PARP4: variants seen among roughly 807,000 people sequenced by gnomAD.
PARP4 encodes poly(ADP-ribose) polymerase family member 4, also known as protein mono-ADP-ribosyltransferase PARP4.
Under a neutral mutation model 187.7 loss-of-function variants are expected in PARP4, and 120 were observed. The observed-to-expected ratio is 0.64, with a 90% CI of 0.55 to 0.74. PARP4 has a LOEUF of 0.74. Ranked by LOEUF, PARP4 falls within the 30% of genes least tolerant of loss-of-function variation. The pLI is 0.00. For missense variants in PARP4, 1,836 were observed against 2,070.5 expected (o/e 0.89, Z 2.20); for synonymous variants, 654 against 740.9 (o/e 0.88, Z 1.90).
chr13:24,433,741 C>CT, intron 31 of PARP4, among the ~76,000 whole-genome samples: 1 of 102,058 alleles, frequency 9.8e-6, no homozygotes, highest in South Asian at 4.3e-4. Context: ...AGACAGGTTA[C>CT]CTGACTTGCC....
At position 24,494,728 on chromosome 13, in the gene PARP4, A is replaced by G; in HGVS notation, c.592-6T>C. On this transcript the variant is annotated splice_polypyrimidine_tract_variant and splice_region_variant and intron_variant, in intron 6 of 33. Transcript: ENST00000381989. ...ATAGCAAACTGTCTTCTAGTCTGTGAATTATGGTGTATAGCAAAAGTACAG... is the reference window on the plus strand; with the variant it reads ...ATAGCAAACTGTCTTCTAGTCTGTGGATTATGGTGTATAGCAAAAGTACAG... 6.3e-7 allele frequency: 1 copy of G among 1,591,280 alleles called. No homozygotes were observed. Among genetic ancestry groups the G allele is most frequent in the East Asian group, 2.2e-5 (1 of 44,614 alleles).
chr13:24,454,453 G>A (rs1871712736), intron 22 of PARP4, among the ~76,000 whole-genome samples: 1 of 152,208 alleles, frequency 6.6e-6, no homozygotes, highest in Non-Finnish European at 1.5e-5. Context: ...CTGAGGTGCT[G>A]CCTTCTGGTG....
In PARP4 at chr13:24,486,167, C is replaced by T; in HGVS notation, c.1352+1G>A. 6.2e-7 allele frequency: 1 copy of T among 1,607,934 alleles called. No individual in the cohort carries two copies. The highest frequency in any genetic ancestry group is 8.5e-7 in the Non-Finnish European group (1 of 1,177,888). The stretch of plus-strand genomic sequence containing the variant: ...TGAAAAATAAAGATGGCTACTCTTA[C>T]CGACACAAGATTCCCACGATGTTTT... On this transcript the variant is annotated splice_donor_variant, in intron 11 of 33. Coordinates refer to ENST00000381989, the MANE Select transcript of PARP4 (RefSeq NM_006437.4). LOFTEE classifies it high-confidence loss of function.
intron 24 of PARP4, chr13:24,452,189 G>A (rs1410161086): frequency 4.2e-6 from 2 of 481,072 alleles, no homozygotes; most frequent in East Asian, 3.3e-5. Context: ...CAGATGAGAG[G>A]TTAAGGAACT....
At chr13:24,421,703 TC>T (rs1869755362) in intron 33 of PARP4, among the ~76,000 whole-genome samples, 1 of 152,286 alleles carries the variant, frequency 6.6e-6, no homozygotes. Flanking sequence ...TCTCTCTCCT[TC>T]CCACTGTACT....
chr13:24,508,255 C>A (rs1869817309), intron 1 of PARP4, among the ~76,000 whole-genome samples: 1 of 152,128 alleles, frequency 6.6e-6, no homozygotes, highest in Non-Finnish European at 1.5e-5. Context: ...GATAATTGCA[C>A]CCCCACTTAT....
At chr13:24,491,030 C>T (rs1336084890) in intron 9 of PARP4, among the ~76,000 whole-genome samples, 2 of 152,144 alleles carry the variant, frequency 1.3e-5, no homozygotes, top group Non-Finnish European at 2.9e-5. Context: ...CAGCCTCAAC[C>T]TCCTGAGTTC....
At chr13:24,492,799 T>C (rs1868732540) in intron 8 of PARP4, among the ~76,000 whole-genome samples, 1 of 152,188 alleles carries the variant, frequency 6.6e-6, no homozygotes, top group Non-Finnish European at 1.5e-5. Flanking sequence ...AAAACTAGGC[T>C]CAGTTTTACT....
At position 24,450,070 on chromosome 13, in the gene PARP4, T is replaced by G. The variant is rs193043988; in HGVS notation, c.3015-253A>C. 2.5e-4 allele frequency among the ~76,000 whole-genome samples: 37 copies of G among 146,390 alleles called. 1 individual carries two copies. Among genetic ancestry groups the G allele is most frequent in the African/African-American group, 9.6e-4 (36 of 37,534 alleles). On this transcript the variant is annotated intron_variant, in intron 24 of 33. Coordinates refer to ENST00000381989, the MANE Select transcript of PARP4 (RefSeq NM_006437.4). ...AGAAAAAAGTTGAAATTCTTGACTT[T>G]CAGTTCCTGAGGGAGGGAGTAGATG... is the stretch of plus-strand genomic sequence containing the variant.
rs769290091 is a variant in PARP4, at chr13:24,456,449, G to T, written c.2454C>A (p.Thr818=). ...TGCTGTCTAAGGAGCTGCCTTCCAT[G>T]GTGCTAATGACAGCTTTGCAGTCTG... ...KRTDCKAVIS[T]MEGSSLDSSG... is the part of the protein sequence containing the mutation. Residue 818 remains threonine (T), a synonymous_variant, in exon 21 of 34, where the codon ACC becomes ACA. Transcript: ENST00000381989. 1.9e-6 allele frequency: 3 copies of T among 1,606,958 alleles called. No individual in the cohort carries two copies. Among genetic ancestry groups the T allele is most frequent in the Non-Finnish European group, 2.6e-6 (3 of 1,174,368 alleles).
At chr13:24,478,034 C>CT in intron 13 of PARP4, 59 bp downstream of exon 13, 1 of 1,345,980 alleles carries the variant, frequency 7.4e-7, no homozygotes, top group Admixed American at 2.5e-5. Context: ...GAGCAAAAAA[C>CT]TAAGGCCTTT....
rs781394181 is a variant in PARP4 at position 24,486,303 on chromosome 13, T to C, written c.1217A>G (p.Lys406Arg). ...RKEVLQNHHS[K>R]SPVDVLQIFR... ...TATCTGCAAGACATCCACTGGGCTCTTACTGTAAGAATTAGAAGAAAAGCC... is the reference window on the plus strand; with the variant it reads ...TATCTGCAAGACATCCACTGGGCTCCTACTGTAAGAATTAGAAGAAAAGCC... The change falls in exon 11 of 34, where the codon AAG (lysine) becomes AGG (arginine). Residue 406 changes from lysine (K) to arginine (R), a missense_variant and splice_region_variant. Coordinates refer to ENST00000381989, the MANE Select transcript of PARP4 (RefSeq NM_006437.4). The C allele has an allele frequency of 5.7e-6, 9 of 1,575,316 alleles. No homozygotes were observed. The highest frequency in any genetic ancestry group is 7.8e-6 in the Non-Finnish European group (9 of 1,148,140).
intron 30 of PARP4, among the ~76,000 whole-genome samples, chr13:24,439,173 A>G (rs1176178410): frequency 2.0e-5 from 3 of 152,070 alleles, no homozygotes; most frequent in Admixed American, 2.0e-4. Context: ...AAAAATTTCT[A>G]TAAACAGGCC....
chr13:24,479,000 G>C (rs1873126231), intron 12 of PARP4, among the ~76,000 whole-genome samples: 1 of 152,190 alleles, frequency 6.6e-6, no homozygotes, highest in Non-Finnish European at 1.5e-5. Context: ...AAGTGAGTAA[G>C]AACTGGTCAA....
Position 24,435,027 on chromosome 13 carries a change from T to G in PARP4, c.4114A>C (p.Thr1372Pro). 2 of 1,613,954 alleles carry G rather than the reference T, an allele frequency of 1.2e-6. No individual in the cohort carries two copies. Among genetic ancestry groups the G allele is most frequent in the Non-Finnish European group, 1.7e-6 (2 of 1,180,026 alleles). The part of the protein sequence containing the change: ...SQFSQGPVPG[T>P]CADWIPQSAS... ...GACTGTGGGATCCAGTCAGCACAAG[T>G]GCCAGGCACAGGGCCTTGGCTGAAT... Residue 1372 changes from threonine to proline, a missense_variant, in exon 31 of 34, where the codon ACT (threonine) becomes CCT (proline). By Grantham distance (38) the Thr-to-Pro change is conservative (BLOSUM62 -1). Transcript: ENST00000381989.
intron 31 of PARP4, among the ~76,000 whole-genome samples, chr13:24,432,397 A>G (rs1205215877): frequency 6.6e-6 from 1 of 152,216 alleles, no homozygotes; most frequent in African/African-American, 2.4e-5. Context: ...ATTGACATAC[A>G]AAAAGTCACC....
At chr13:24,504,165 A>G (rs993530322) in intron 1 of PARP4, among the ~76,000 whole-genome samples, 9 of 152,188 alleles carry the variant, frequency 5.9e-5, no homozygotes, top group Non-Finnish European at 1.3e-4. Context: ...ATATAATTCT[A>G]TGCATTCAAA....
chr13:24,482,802 T>C (rs1418470523), intron 12 of PARP4, among the ~76,000 whole-genome samples: 1 of 152,108 alleles, frequency 6.6e-6, no homozygotes, highest in African/African-American at 2.4e-5. Flanking sequence ...ACCCTCAATA[T>C]CTCCAAGGTA....
intron 20 of PARP4, among the ~76,000 whole-genome samples, chr13:24,457,063 C>G (rs1223775622): frequency 6.6e-6 from 1 of 152,110 alleles, no homozygotes; most frequent in Non-Finnish European, 1.5e-5. Flanking sequence ...GATTATAGAT[C>G]TACCCATTCA....
Sources: gnomAD v4.1 joint callset for allele counts (sites outside exome capture counted in the v4.1 genomes callset) on GRCh38, gnomAD v4.1.1 for gene constraint, MANE v1.5 for transcripts, NCBI Gene and HGNC (gene_info 2026-07-23, HGNC 2026-07-21) for gene names.